Variants in TLK1 observed in about 807,000 individuals in gnomAD.
The protein encoded by TLK1 is tousled like kinase 1, also known as serine/threonine-protein kinase tousled-like 1.
In TLK1, 24 loss-of-function variants were observed where a neutral mutation model predicts 105.3. The ratio of observed to expected loss-of-function variants is 0.23; its 90% CI spans 0.17 to 0.32. The LOEUF is 0.32. Among genes scored for constraint, TLK1 ranks in the 10% least tolerant of loss-of-function variants. The pLI, the probability that TLK1 is intolerant of heterozygous loss-of-function variation, is 1.00. For synonymous variants in TLK1, 321 were observed against 310.4 expected, an observed-to-expected ratio of 1.03 and a Z score of -0.36; for missense variants, 558 against 910.5, an observed-to-expected ratio of 0.61 and a Z score of 4.98.
At chr2:171,148,965 T>G (rs2105592553) in intron 1 of TLK1, among the ~76,000 whole-genome samples, 1 of 149,794 alleles carries the variant, frequency 6.7e-6, no homozygotes, top group East Asian at 1.9e-4. Flanking sequence ...TATATATATA[T>G]CACGTTGCTT....
intron 1 of TLK1, among the ~76,000 whole-genome samples, chr2:171,219,588 G>T (rs1421157087): frequency 6.6e-6 from 1 of 151,744 alleles, no homozygotes. Context: ...GAGCTTTCTG[G>T]GGTCCCTCCC....
intron 12 of TLK1, among the ~76,000 whole-genome samples, chr2:171,021,303 A>G (rs1412109308): frequency 6.6e-6 from 1 of 152,190 alleles, no homozygotes; most frequent in Non-Finnish European, 1.5e-5. Context: ...CTGCTGTATT[A>G]TAGGAGTGAA....
intron 12 of TLK1, among the ~76,000 whole-genome samples, chr2:171,018,059 A>G (rs1479227502): frequency 6.6e-6 from 1 of 152,226 alleles, no homozygotes; most frequent in Non-Finnish European, 1.5e-5. Context: ...CATATATTGA[A>G]GCCCTTATTC....
intron 3 of TLK1, among the ~76,000 whole-genome samples, chr2:171,063,637 T>C (rs899943397): frequency 1.1e-4 from 17 of 152,096 alleles, no homozygotes; most frequent in Non-Finnish European, 2.4e-4. Context: ...GAAAACAAAA[T>C]AAAATGTAAA....
Position 171,087,816 on chromosome 2 carries a change from T to C in TLK1, c.259-4964A>G, listed in dbSNP as rs912133102. ...CAACTTCACTCTGGAAATAGTGAGC[T>C]AGGAGAACTCTGTACTAAGATGCAT... On this transcript the variant is annotated intron_variant, in intron 2 of 20. Coordinates refer to ENST00000431350, the MANE Select transcript of TLK1 (RefSeq NM_012290.5). Among the ~76,000 whole-genome samples, 5 of 152,190 alleles carry C rather than the reference T, an allele frequency of 3.3e-5. No individual in the cohort carries two copies. The East Asian group carries it at 7.7e-4, about 23-fold the overall frequency.
At chr2:171,010,087 A>G (rs1470004933) in intron 14 of TLK1, among the ~76,000 whole-genome samples, 3 of 152,236 alleles carry the variant, frequency 2.0e-5, no homozygotes, top group Non-Finnish European at 4.4e-5. Flanking sequence ...GAGAAAAGCA[A>G]TGCCCAAAAG....
intron 1 of TLK1, among the ~76,000 whole-genome samples, chr2:171,189,770 A>G (rs1185219253): frequency 1.3e-5 from 2 of 152,104 alleles, no homozygotes; most frequent in East Asian, 3.8e-4. Flanking sequence ...CCCTTTGTAT[A>G]TGGTTTTTGC....
At chr2:171,224,700 A>C (rs549714286) in intron 1 of TLK1, among the ~76,000 whole-genome samples, 3 of 152,290 alleles carry the variant, frequency 2.0e-5, no homozygotes, top group African/African-American at 7.2e-5. Flanking sequence ...AAAATTTGAC[A>C]AACTCATCCT....
intron 3 of TLK1, among the ~76,000 whole-genome samples, chr2:171,063,568 A>C (rs1356237819): frequency 6.6e-6 from 1 of 152,162 alleles, no homozygotes; most frequent in African/African-American, 2.4e-5. Flanking sequence ...GGGGGGAAAA[A>C]CCCATACAAA....
Position 171,006,454 on chromosome 2 carries a change from TA to T in TLK1, c.1768+19del. On this transcript the variant is annotated intron_variant, in intron 17 of 20. Coordinates refer to ENST00000431350, the MANE Select transcript of TLK1 (RefSeq NM_012290.5). ...AACTATACTCAAGTTTAAAAAAAAT[TA>T]GACAAATTTCATAATTACCTGGCTT... is the stretch of plus-strand genomic sequence containing the variant. The T allele has an allele frequency of 6.4e-7, 1 of 1,551,178 alleles. No homozygotes were observed. The highest frequency in any genetic ancestry group is 8.7e-7 in the Non-Finnish European group (1 of 1,153,800).
At chr2:171,114,087 T>TA (rs1690301782) in intron 2 of TLK1, among the ~76,000 whole-genome samples, 1 of 152,230 alleles carries the variant, frequency 6.6e-6, no homozygotes, top group Non-Finnish European at 1.5e-5. Context: ...TATGGAATCT[T>TA]ACATATCTTA....
At chr2:171,127,828 CTATT>C (rs536714804) in intron 1 of TLK1, among the ~76,000 whole-genome samples, 2 of 152,184 alleles carry the variant, frequency 1.3e-5, no homozygotes, top group East Asian at 1.9e-4. Context: ...TTTCACTAAA[CTATT>C]TATCTGTTTC....
intron 2 of TLK1, among the ~76,000 whole-genome samples, chr2:171,097,768 A>G (rs1305145512): frequency 6.6e-6 from 1 of 152,136 alleles, no homozygotes. Flanking sequence ...TACTAAAAAT[A>G]ACAAAATTAG....
chr2:171,058,844 T>C (rs1391567381), intron 4 of TLK1, among the ~76,000 whole-genome samples: 1 of 152,198 alleles, frequency 6.6e-6, no homozygotes, highest in Non-Finnish European at 1.5e-5. Context: ...TGACTGGAAC[T>C]ATACAGAATA....
chr2:170,994,039 A>G, intron 20 of TLK1, 83 bp from the exon 21 acceptor site: 1 of 1,425,110 alleles, frequency 7.0e-7, no homozygotes, highest in South Asian at 1.6e-5. Flanking sequence ...AGAAGGATGG[A>G]CACATTTAAG....
chr2:171,129,508 G>C (rs541365615), intron 1 of TLK1, among the ~76,000 whole-genome samples: 1 of 152,110 alleles, frequency 6.6e-6, no homozygotes, highest in African/African-American at 2.4e-5. Context: ...AGTTGAATAC[G>C]ATCTACCTAT....
chr2:171,103,358 T>G (rs983237168), intron 2 of TLK1, among the ~76,000 whole-genome samples: 11 of 151,224 alleles, frequency 7.3e-5, no homozygotes, highest in African/African-American at 2.7e-4. Context: ...CACTGCAATC[T>G]CCGCCGCCTC....
intron 1 of TLK1, among the ~76,000 whole-genome samples, chr2:171,131,569 A>C (rs1025160851): frequency 6.6e-6 from 1 of 152,194 alleles, no homozygotes; most frequent in Admixed American, 6.5e-5. Context: ...TTCAATTATT[A>C]TATTTCTGAC....
intron 1 of TLK1, among the ~76,000 whole-genome samples, chr2:171,125,590 T>TC (rs1412304083): frequency 6.6e-6 from 1 of 152,182 alleles, no homozygotes; most frequent in Non-Finnish European, 1.5e-5. Flanking sequence ...CTTGAAGTAA[T>TC]GAGAATGCCA....
Sources: allele counts gnomAD v4.1 joint callset (sites outside exome capture counted in the v4.1 genomes callset), GRCh38; gene constraint gnomAD v4.1.1; transcripts MANE v1.5; gene names NCBI Gene and HGNC (gene_info 2026-07-23, HGNC 2026-07-21).